The following GPHN variants were observed in gnomAD, a reference collection of about 807,000 sequenced individuals.
GPHN encodes gephyrin.
A neutral mutation model predicts 95.5 loss-of-function variants in GPHN; 17 were observed. The ratio of observed to expected loss-of-function variants is 0.18; its 90% CI spans 0.12 to 0.27. GPHN has a LOEUF of 0.27. Ranked by LOEUF, GPHN falls within the 10% of genes least tolerant of loss-of-function variation. The probability of loss-of-function intolerance (pLI) is 1.00; values close to 1 mark genes in which losing one functional copy is unlikely to be tolerated. For synonymous variants in GPHN, 320 were observed against 322.5 expected, an observed-to-expected ratio of 0.99 and a Z score of 0.08; for missense variants, 660 against 978.1, an observed-to-expected ratio of 0.67 and a Z score of 4.34.
chr14:67,036,236 A>T (rs1169156267), intron 10 of GPHN, among the ~76,000 whole-genome samples: 1 of 151,816 alleles, frequency 6.6e-6, no homozygotes, highest in Non-Finnish European at 1.5e-5. Context: ...AATATAATAA[A>T]GGTCATTTAT....
At chr14:67,642,390 G>GGGAT in the GPHN span, 18 of 1,611,356 alleles carry the variant, frequency 1.1e-5, no homozygotes. Context: ...GCGTGGTGAG[G>GGGAT]GGATGGATTA....
intron 5 of GPHN, among the ~76,000 whole-genome samples, chr14:66,901,495 G>C (rs543366102): frequency 1.9e-4 from 29 of 152,152 alleles, no homozygotes; most frequent in Admixed American, 3.3e-4. Flanking sequence ...TTTTCTTCTA[G>C]TAGTTTCATG....
chr14:67,603,684 T>G, the GPHN span, among the ~76,000 whole-genome samples: 1 of 152,136 alleles, frequency 6.6e-6, no homozygotes, highest in Non-Finnish European at 1.5e-5. Flanking sequence ...TTGTGGGTTG[T>G]TTGTTTGTTT....
the GPHN span, chr14:67,599,890 G>A: frequency 0.023 from 15,685 of 677,098 alleles, 266 homozygotes; most frequent in Non-Finnish European, 0.032. Context: ...CCCAGAACCC[G>A]TGAGTTCCCG....
the GPHN span, among the ~76,000 whole-genome samples, chr14:67,374,253 T>C: frequency 6.6e-6 from 1 of 152,202 alleles, no homozygotes; most frequent in African/African-American, 2.4e-5. Context: ...ATTGCAAATA[T>C]TCCAAAATCT....
the GPHN span, among the ~76,000 whole-genome samples, chr14:67,193,965 C>CAAAAAAAAAAAAAAAAAAA: frequency 7.6e-6 from 1 of 131,072 alleles, no homozygotes; most frequent in African/African-American, 2.9e-5. Context: ...AAAAAAAAAA[C>CAAAAAAAAAAAAAAAAAAA]GAAAAACAAA....
At position 66,661,791 on chromosome 14, in the gene GPHN, G is replaced by A. The variant is rs112956420; in HGVS notation, c.65-19316G>A. Among the ~76,000 whole-genome samples, 1,114 of 152,058 alleles carry A rather than the reference G, an allele frequency of 7.3e-3. 9 individuals are homozygous for A. Among genetic ancestry groups the A allele is most frequent in the Non-Finnish European group, 0.01 (704 of 67,986 alleles). Reference sequence around the variant, plus strand: ...GAGTTCGAGGGGGAGGTGGGCGGGCGCCATCGTTGCTGTTTGGGCAACTCA... The same window carrying A: ...GAGTTCGAGGGGGAGGTGGGCGGGCACCATCGTTGCTGTTTGGGCAACTCA... On this transcript the variant is annotated intron_variant, in intron 1 of 22. Coordinates refer to ENST00000478722, the MANE Select transcript of GPHN (RefSeq NM_020806.5).
At chr14:67,284,984 C>T in the GPHN span, among the ~76,000 whole-genome samples, 1 of 152,002 alleles carries the variant, frequency 6.6e-6, no homozygotes, top group East Asian at 1.9e-4. Context: ...CTCCTGGCCT[C>T]AAGTGATCCT....
intron 1 of GPHN, among the ~76,000 whole-genome samples, chr14:66,604,082 T>G (rs2062391837): frequency 6.6e-6 from 1 of 152,096 alleles, no homozygotes; most frequent in African/African-American, 2.4e-5. Flanking sequence ...TCTCATAACA[T>G]TGCATGAACT....
intron 1 of GPHN, among the ~76,000 whole-genome samples, chr14:66,656,655 T>C (rs1396095076): frequency 6.6e-6 from 1 of 151,846 alleles, no homozygotes; most frequent in Non-Finnish European, 1.5e-5. Context: ...AACTTTTTAA[T>C]AATGACTGTA....
the GPHN span, chr14:67,659,704 A>G: frequency 1.5e-5 from 23 of 1,568,912 alleles, no homozygotes; most frequent in Non-Finnish European, 1.9e-5. Flanking sequence ...AAGGAAAAAA[A>G]AAACAAACAA....
chr14:67,664,342 C>T, the GPHN span, among the ~76,000 whole-genome samples: 1 of 152,140 alleles, frequency 6.6e-6, no homozygotes, highest in Non-Finnish European at 1.5e-5. Context: ...TGGAATCATA[C>T]AATATTTGTC....
At chr14:67,600,326 C>G in the GPHN span, 33 of 818,094 alleles carry the variant, frequency 4.0e-5, no homozygotes, top group Non-Finnish European at 5.4e-5. Context: ...TAAGCCTGCG[C>G]AGCCTCAGTT....
chr14:66,683,010 T>TAA (rs56342549), intron 2 of GPHN, among the ~76,000 whole-genome samples: 3 of 148,940 alleles, frequency 2.0e-5, no homozygotes, highest in Non-Finnish European at 3.0e-5. Flanking sequence ...TTTAGTATTC[T>TAA]AAAAAAAAAA....
At chr14:67,534,519 G>T in the GPHN span, among the ~76,000 whole-genome samples, 5 of 152,112 alleles carry the variant, frequency 3.3e-5, no homozygotes, top group Non-Finnish European at 5.9e-5. Context: ...AAAAATTGTT[G>T]TGATATGCCC....
intron 1 of GPHN, among the ~76,000 whole-genome samples, chr14:66,545,733 G>T (rs2059555406): frequency 6.9e-6 from 1 of 144,642 alleles, no homozygotes; most frequent in Non-Finnish European, 1.5e-5. Flanking sequence ...GCCGGGCGGG[G>T]GGCTGACCCC....
chr14:66,993,554 A>G (rs1331001716), intron 9 of GPHN, among the ~76,000 whole-genome samples: 1 of 152,230 alleles, frequency 6.6e-6, no homozygotes, highest in African/African-American at 2.4e-5. Flanking sequence ...ACCTAAAATC[A>G]TATACCTTCT....
intron 1 of GPHN, among the ~76,000 whole-genome samples, chr14:66,610,405 T>G (rs2062730738): frequency 6.6e-6 from 1 of 152,090 alleles, no homozygotes; most frequent in Non-Finnish European, 1.5e-5. Flanking sequence ...TTCCTCTCTC[T>G]TCACCCTCAG....
chr14:67,222,556 G>C, the GPHN span, among the ~76,000 whole-genome samples: 1 of 152,196 alleles, frequency 6.6e-6, no homozygotes, highest in Non-Finnish European at 1.5e-5. Context: ...GATTATAGGA[G>C]TGAGCCACCA....
Sources: allele counts gnomAD v4.1 joint callset (sites outside exome capture counted in the v4.1 genomes callset), GRCh38; gene constraint gnomAD v4.1.1; transcripts MANE v1.5; gene names NCBI Gene and HGNC (gene_info 2026-07-23, HGNC 2026-07-21).